Variants in PDGFC observed in about 807,000 individuals in gnomAD.
The protein encoded by PDGFC is platelet-derived growth factor C.
Under a neutral mutation model 35.5 loss-of-function variants are expected in PDGFC, and 12 were observed. The observed-to-expected ratio is 0.34, with a 90% CI of 0.22 to 0.55. The LOEUF (loss-of-function observed/expected upper bound fraction) is 0.55, where lower values mean the gene tolerates loss of function less well. PDGFC is among the 20% of genes least tolerant of loss of function. PDGFC has a pLI of 0.91. For synonymous variants in PDGFC, 159 were observed against 148.8 expected (o/e 1.07, Z -0.50); for missense variants, 322 against 412.4 (o/e 0.78, Z 1.90).
At chr4:156,843,694 C>A (rs780462136) in intron 2 of PDGFC, among the ~76,000 whole-genome samples, 1 of 152,118 alleles carries the variant, frequency 6.6e-6, no homozygotes, top group Non-Finnish European at 1.5e-5. Flanking sequence ...GAATTACAGT[C>A]CAAAACCCAG....
chr4:156,777,150 A>C (rs1298644080), intron 3 of PDGFC, among the ~76,000 whole-genome samples: 1 of 152,108 alleles, frequency 6.6e-6, no homozygotes, highest in South Asian at 2.1e-4. Flanking sequence ...TATATATATA[A>C]AATTTTGAGA....
chr4:156,843,603 A>G (rs111231667), intron 2 of PDGFC, among the ~76,000 whole-genome samples: 9,505 of 152,180 alleles, frequency 0.062, 396 homozygotes, highest in Middle Eastern at 0.12. Flanking sequence ...TTCCCACAAC[A>G]TATCTTAAAG....
intron 1 of PDGFC, among the ~76,000 whole-genome samples, chr4:156,853,135 T>A (rs1729494539): frequency 6.6e-6 from 1 of 152,256 alleles, no homozygotes. Flanking sequence ...ATACACCTTC[T>A]ATCGCACACA....
chr4:156,863,995 G>T (rs1453421820), intron 1 of PDGFC, among the ~76,000 whole-genome samples: 2 of 151,272 alleles, frequency 1.3e-5, no homozygotes, highest in Admixed American at 1.3e-4. Context: ...TTTGTTTCTT[G>T]TTTTTTTTGT....
intron 1 of PDGFC, among the ~76,000 whole-genome samples, chr4:156,962,218 C>A (rs899467979): frequency 5.9e-5 from 9 of 152,160 alleles, no homozygotes; most frequent in African/African-American, 1.9e-4. Context: ...TCACTCTCAA[C>A]ATTCTCGATG....
chr4:156,847,301 T>C (rs970618136), intron 2 of PDGFC, among the ~76,000 whole-genome samples: 3 of 151,772 alleles, frequency 2.0e-5, no homozygotes, highest in African/African-American at 7.2e-5. Context: ...TAAGGCTGGT[T>C]GTATGTACCT....
chr4:156,876,458 A>C (rs1269695869), intron 1 of PDGFC: 1 of 152,224 alleles, frequency 6.6e-6, no homozygotes, highest in Admixed American at 6.5e-5. Context: ...CAAATTACTT[A>C]ATCTTCCAAT....
intron 1 of PDGFC, among the ~76,000 whole-genome samples, chr4:156,906,485 G>C (rs533424598): frequency 6.6e-6 from 1 of 152,080 alleles, no homozygotes; most frequent in African/African-American, 2.4e-5. Context: ...GATACAATGG[G>C]ATGTAAAACT....
intron 4 of PDGFC, 47 bp from the exon 5 acceptor site, chr4:156,768,037 G>C (rs1382181027): frequency 3.7e-6 from 4 of 1,068,268 alleles, no homozygotes; most frequent in South Asian, 1.3e-5. Flanking sequence ...TTGATGCTTT[G>C]AGCCTGAATG....
chr4:156,765,938 T>C (rs1377430434), intron 5 of PDGFC, among the ~76,000 whole-genome samples: 2 of 152,042 alleles, frequency 1.3e-5, no homozygotes, highest in African/African-American at 4.8e-5. Flanking sequence ...ATCCCCACAA[T>C]AAAGTATGAG....
chr4:156,845,250 T>A (rs1029437690), intron 2 of PDGFC, among the ~76,000 whole-genome samples: 1 of 151,676 alleles, frequency 6.6e-6, no homozygotes, highest in South Asian at 2.1e-4. Context: ...ACAATATCTA[T>A]AAAGAAATTA....
intron 1 of PDGFC, among the ~76,000 whole-genome samples, chr4:156,963,896 C>T (rs1732400199): frequency 6.6e-6 from 1 of 150,952 alleles, no homozygotes; most frequent in South Asian, 2.1e-4. Flanking sequence ...ACTTTGCAAA[C>T]CAAAGTTTAA....
chr4:156,847,130 G>C (rs539498341), intron 2 of PDGFC, among the ~76,000 whole-genome samples: 26 of 151,826 alleles, frequency 1.7e-4, no homozygotes, highest in Non-Finnish European at 5.9e-5. Flanking sequence ...ATACCCTTTA[G>C]GAGGTGGAGT....
chr4:156,902,430 T>C (rs577686324), intron 1 of PDGFC, among the ~76,000 whole-genome samples: 1 of 152,284 alleles, frequency 6.6e-6, no homozygotes, highest in Non-Finnish European at 1.5e-5. Context: ...GAGGTAACTT[T>C]TGTCTTGAAT....
At chr4:156,944,703 C>A (rs1234550604) in intron 1 of PDGFC, among the ~76,000 whole-genome samples, 1 of 152,150 alleles carries the variant, frequency 6.6e-6, no homozygotes, top group Non-Finnish European at 1.5e-5. Context: ...CCAGCAAATA[C>A]CAACAGCTCT....
intron 1 of PDGFC, among the ~76,000 whole-genome samples, chr4:156,866,911 A>G (rs1729857811): frequency 6.6e-6 from 1 of 152,162 alleles, no homozygotes; most frequent in African/African-American, 2.4e-5. Context: ...TCTTCCTTGG[A>G]GTCAGACTCA....
chr4:156,923,400 G>A (rs560736434), intron 1 of PDGFC, among the ~76,000 whole-genome samples: 1 of 152,268 alleles, frequency 6.6e-6, no homozygotes, highest in East Asian at 1.9e-4. Context: ...ACAATAAAGA[G>A]AAAATAGCCC....
intron 1 of PDGFC, among the ~76,000 whole-genome samples, chr4:156,854,383 A>G (rs1485295923): frequency 6.6e-6 from 1 of 152,096 alleles, no homozygotes; most frequent in Non-Finnish European, 1.5e-5. Flanking sequence ...TTGTGTTTAC[A>G]TTTTTTCCTT....
At chr4:156,763,339 C>T (rs187667022) in intron 5 of PDGFC, 133 bp from the exon 6 acceptor site, 51 of 441,284 alleles carry the variant, frequency 1.2e-4, no homozygotes, top group Non-Finnish European at 1.8e-4. Context: ...TCCTAGAGCA[C>T]GCATTATGAA....
Sources: allele counts gnomAD v4.1 joint callset (sites outside exome capture counted in the v4.1 genomes callset), GRCh38; gene constraint gnomAD v4.1.1; transcripts MANE v1.5; gene names NCBI Gene and HGNC (gene_info 2026-07-23, HGNC 2026-07-21).